TRAPPC9: variants seen among roughly 807,000 people sequenced by gnomAD.
The protein encoded by TRAPPC9 is trafficking protein particle complex subunit 9.
A neutral mutation model predicts 124.0 loss-of-function variants in TRAPPC9; 83 were observed. The observed-to-expected ratio is 0.67, with a 90% confidence interval of 0.56 to 0.80. The LOEUF (loss-of-function observed/expected upper bound fraction) is 0.80, where lower values mean the gene tolerates loss of function less well. Among genes scored for constraint, TRAPPC9 ranks in the 30% least tolerant of loss-of-function variants. The pLI, the probability that TRAPPC9 is intolerant of heterozygous loss-of-function variation, is 0.00. For synonymous variants in TRAPPC9, 638 were observed against 617.5 expected, an observed-to-expected ratio of 1.03 and a Z score of -0.49; for missense variants, 1,302 against 1,508.3, an observed-to-expected ratio of 0.86 and a Z score of 2.27.
chr8:139,972,603 A>G (rs777267456), intron 19 of TRAPPC9, among the ~76,000 whole-genome samples: 1 of 152,098 alleles, frequency 6.6e-6, no homozygotes, highest in East Asian at 1.9e-4. Context: ...CTCACACAAG[A>G]CACGACCTGG....
chr8:139,902,296 T>C (rs572509363), intron 20 of TRAPPC9, among the ~76,000 whole-genome samples: 2 of 152,352 alleles, frequency 1.3e-5, no homozygotes, highest in African/African-American at 2.4e-5. Flanking sequence ...AGATTTGGAT[T>C]TGGGGGAGGC....
intron 17 of TRAPPC9, among the ~76,000 whole-genome samples, chr8:140,060,306 C>T (rs999911963): frequency 6.6e-6 from 1 of 152,220 alleles, no homozygotes; most frequent in Non-Finnish European, 1.5e-5. Context: ...CTCTGGGATT[C>T]TTCAGTGCAC....
At chr8:140,035,297 T>C (rs1003646877) in intron 17 of TRAPPC9, among the ~76,000 whole-genome samples, 1 of 152,186 alleles carries the variant, frequency 6.6e-6, no homozygotes, top group Non-Finnish European at 1.5e-5. Flanking sequence ...ATTAGAGAAA[T>C]GTACTTGACA....
At chr8:140,291,168 A>G in intron 11 of TRAPPC9, 90 bp from the exon 12 acceptor site, 1 of 1,193,042 alleles carries the variant, frequency 8.4e-7, no homozygotes, top group Non-Finnish European at 1.3e-6. Flanking sequence ...CTGGCAATTT[A>G]CATTCTCAGT....
At chr8:139,835,776 A>AC (rs200553076) in intron 21 of TRAPPC9, among the ~76,000 whole-genome samples, 5,218 of 151,352 alleles carry the variant, frequency 0.034, 304 homozygotes, top group African/African-American at 0.12. Flanking sequence ...AAAAAACAAA[A>AC]AAAAAAAAAG....
chr8:139,954,216 G>C (rs1256059743), intron 19 of TRAPPC9, among the ~76,000 whole-genome samples: 1 of 152,122 alleles, frequency 6.6e-6, no homozygotes, highest in Admixed American at 6.5e-5. Context: ...TTGTAGCAAT[G>C]GTTTCTTGGG....
At chr8:140,454,719 G>A (rs7843269) in intron 1 of TRAPPC9, among the ~76,000 whole-genome samples, 2,404 of 146,810 alleles carry the variant, frequency 0.016, 28 homozygotes, top group South Asian at 0.035. Context: ...CGAGTGGATC[G>A]CCTGAGGTCA....
At chr8:140,268,716 C>A (rs2131594201) in intron 15 of TRAPPC9, among the ~76,000 whole-genome samples, 1 of 152,306 alleles carries the variant, frequency 6.6e-6, no homozygotes, top group South Asian at 2.1e-4. Context: ...CCCTGCGCAT[C>A]CTCAGACTGA....
At chr8:139,832,551 C>T (rs1826061806) in intron 21 of TRAPPC9, among the ~76,000 whole-genome samples, 1 of 152,188 alleles carries the variant, frequency 6.6e-6, no homozygotes. Flanking sequence ...CCAGCCTCCC[C>T]AGGACTCAGC....
intron 21 of TRAPPC9, among the ~76,000 whole-genome samples, chr8:139,807,860 G>A (rs541024329): frequency 5.8e-4 from 89 of 152,312 alleles, no homozygotes; most frequent in Non-Finnish European, 9.0e-4. Flanking sequence ...CACAGGCACC[G>A]GCTGGGTGGG....
chr8:140,187,413 G>A (rs1193116602), intron 17 of TRAPPC9, among the ~76,000 whole-genome samples: 1 of 152,060 alleles, frequency 6.6e-6, no homozygotes, highest in African/African-American at 2.4e-5. Context: ...TGGGACGCTC[G>A]ACCTATACTA....
intron 19 of TRAPPC9, among the ~76,000 whole-genome samples, chr8:139,911,913 C>T (rs1831760013): frequency 6.6e-6 from 1 of 152,082 alleles, no homozygotes; most frequent in South Asian, 2.1e-4. Flanking sequence ...GAAAGAACTA[C>T]TGCAGTGCCA....
chr8:140,440,636 AC>A (rs1229055890), intron 2 of TRAPPC9, among the ~76,000 whole-genome samples: 1 of 151,922 alleles, frequency 6.6e-6, no homozygotes, highest in Non-Finnish European at 1.5e-5. Flanking sequence ...CTATACACAC[AC>A]AGCCAGAGTG....
In TRAPPC9 at chr8:139,731,575, G is replaced by A. The variant is rs529589403; in HGVS notation, c.3280-347C>T. 9.9e-5 allele frequency among the ~76,000 whole-genome samples: 15 copies of A among 152,266 alleles called. No homozygotes were observed. The East Asian group carries it at 2.7e-3, about 27-fold the overall frequency. ...ACAGTGAGGTGCTGAGAGGCAGCTTGAGAGGTAGGAGGTGGGAGGTGGGGG... is the reference window on the plus strand; with the variant it reads ...ACAGTGAGGTGCTGAGAGGCAGCTTAAGAGGTAGGAGGTGGGAGGTGGGGG... On this transcript the variant is annotated intron_variant, in intron 22 of 22. Coordinates refer to ENST00000438773, the MANE Select transcript of TRAPPC9 (RefSeq NM_001160372.4).
intron 19 of TRAPPC9, among the ~76,000 whole-genome samples, chr8:139,947,449 A>T (rs10101299): frequency 6.6e-6 from 1 of 152,214 alleles, no homozygotes; most frequent in African/African-American, 2.4e-5. Context: ...AGAAAAATAG[A>T]CCTTTGTTAT....
At chr8:140,137,858 TTA>T (rs2061329076) in intron 17 of TRAPPC9, among the ~76,000 whole-genome samples, 1 of 152,236 alleles carries the variant, frequency 6.6e-6, no homozygotes, top group Non-Finnish European at 1.5e-5. Flanking sequence ...CCATATACGA[TTA>T]TAATTTTTCA....
At chr8:140,125,332 C>T (rs966071732) in intron 17 of TRAPPC9, among the ~76,000 whole-genome samples, 2 of 152,210 alleles carry the variant, frequency 1.3e-5, no homozygotes, top group Middle Eastern at 3.2e-3. Flanking sequence ...GCTCAGCAGA[C>T]GGCTGCGGTG....
chr8:139,953,014 C>T (rs1048780690), intron 19 of TRAPPC9, among the ~76,000 whole-genome samples: 4 of 152,188 alleles, frequency 2.6e-5, no homozygotes, highest in Admixed American at 6.5e-5. Flanking sequence ...AGACGCAGGC[C>T]AAACTGCCTG....
chr8:140,106,510 T>C (rs1056033364), intron 17 of TRAPPC9, among the ~76,000 whole-genome samples: 3 of 152,122 alleles, frequency 2.0e-5, no homozygotes, highest in Non-Finnish European at 2.9e-5. Context: ...TCACGGCCTA[T>C]GGGGCTGCTG....
Sources: gnomAD v4.1 joint callset for allele counts (sites outside exome capture counted in the v4.1 genomes callset) on GRCh38, gnomAD v4.1.1 for gene constraint, MANE v1.5 for transcripts, NCBI Gene and HGNC (gene_info 2026-07-23, HGNC 2026-07-21) for gene names.